The following AP2B1 variants were observed in gnomAD, a reference collection of about 807,000 sequenced individuals.
The protein encoded by AP2B1 is AP-2 complex subunit beta.
Under a neutral mutation model 102.0 loss-of-function variants are expected in AP2B1, and 23 were observed. The ratio of observed to expected loss-of-function variants is 0.23; its 90% confidence interval spans 0.16 to 0.32. The LOEUF (loss-of-function observed/expected upper bound fraction) is 0.32. Among genes scored for constraint, AP2B1 ranks in the 10% least tolerant of loss-of-function variants. AP2B1 has a pLI of 1.00. For synonymous variants in AP2B1, 381 were observed against 421.2 expected (o/e 0.90, Z 1.17); for missense variants, 541 against 1,157.4 (o/e 0.47, Z 7.73).
rs576273991 is a variant in AP2B1, at chr17:35,664,321, A to C, written c.1989+6530A>C. Among the ~76,000 whole-genome samples the C allele has an allele frequency of 3.3e-5, 5 of 152,086 alleles. No individual in the cohort carries two copies. The East Asian group carries it at 7.8e-4, about 24-fold the overall frequency. On this transcript the variant is annotated intron_variant, in intron 14 of 21. Transcript: ENST00000610402. ...CAAGCTACAGTACAGTGGTGTGATC[A>C]TAGCTCACTGCAGCCTCAAACTCCT... is the stretch of plus-strand genomic sequence containing the variant.
chr17:35,604,810 C>T lies in AP2B1; in HGVS notation c.144-895C>T, dbSNP rs182571232. Among the ~76,000 whole-genome samples the T allele has an allele frequency of 7.9e-5, 12 of 152,252 alleles. No individual in the cohort carries two copies. The East Asian group carries it at 2.3e-3, about 29-fold the overall frequency. ...ACACATTAAAATATTATAGATGAAG[C>T]TGGGCACAGTGGCTTATGCATGTAA... On this transcript the variant is annotated intron_variant, in intron 3 of 21. Coordinates refer to ENST00000610402, the MANE Select transcript of AP2B1 (RefSeq NM_001030006.2).
chr17:35,681,622 C>T (rs1042380260), intron 17 of AP2B1, among the ~76,000 whole-genome samples: 2 of 151,982 alleles, frequency 1.3e-5, no homozygotes, highest in African/African-American at 2.4e-5. Context: ...AGTAAAGACA[C>T]GGTCTCATTA....
chr17:35,622,408 C>A (rs567890973), intron 5 of AP2B1, among the ~76,000 whole-genome samples: 1 of 152,190 alleles, frequency 6.6e-6, no homozygotes, highest in South Asian at 2.1e-4. Flanking sequence ...AGACATTTAT[C>A]TTCTAGATAA....
At chr17:35,588,811 C>T (rs2072989431) in intron 1 of AP2B1, 1 of 152,194 alleles carries the variant, frequency 6.6e-6, no homozygotes, top group Non-Finnish European at 1.5e-5. Flanking sequence ...CAAACATCCT[C>T]ACTAAAAGCT....
At chr17:35,723,567 C>T in intron 21 of AP2B1, 58 bp from the exon 22 acceptor site, 1 of 1,178,710 alleles carries the variant, frequency 8.5e-7, no homozygotes, top group Non-Finnish European at 1.3e-6. Context: ...TGCTTGGATA[C>T]CTTTAGAGCT....
At position 35,669,136 on chromosome 17, in the gene AP2B1, G is replaced by T. The variant is rs905471566; in HGVS notation, c.1990-1721G>T. ...CTAGTTACTCAAATTCTTGGTTTGG[G>T]GATGCCTTTTTTTTTTTTTTTTCCG... On this transcript the variant is annotated intron_variant, in intron 14 of 21. Coordinates refer to ENST00000610402, the MANE Select transcript of AP2B1 (RefSeq NM_001030006.2). Among the ~76,000 whole-genome samples the T allele has an allele frequency of 4.8e-5, 6 of 124,168 alleles. No individual in the cohort carries two copies. The South Asian group carries it at 7.5e-4, about 15-fold the overall frequency. The allele number at this position is 124,168 out of a possible 152,430, so 81.5% of individuals were successfully genotyped here.
intron 18 of AP2B1, among the ~76,000 whole-genome samples, chr17:35,697,871 A>G (rs1243041991): frequency 6.6e-6 from 1 of 152,190 alleles, no homozygotes; most frequent in Non-Finnish European, 1.5e-5. Context: ...CTGAGGCAGG[A>G]AAATCACAAA....
intron 5 of AP2B1, among the ~76,000 whole-genome samples, chr17:35,620,033 G>A (rs2074129992): frequency 6.6e-6 from 1 of 152,128 alleles, no homozygotes; most frequent in Non-Finnish European, 1.5e-5. Flanking sequence ...TGATCCACCT[G>A]TTTCAGCCTC....
At chr17:35,641,452 C>T (rs2074778280) in intron 11 of AP2B1, among the ~76,000 whole-genome samples, 1 of 152,070 alleles carries the variant, frequency 6.6e-6, no homozygotes, top group South Asian at 2.1e-4. Flanking sequence ...GTGGCTTGCA[C>T]CTGTAGTCCC....
intron 18 of AP2B1, among the ~76,000 whole-genome samples, chr17:35,703,182 G>A (rs587720701): frequency 2.3e-4 from 34 of 149,124 alleles, no homozygotes; most frequent in South Asian, 1.5e-3. Context: ...GGAGAATGGC[G>A]TGAACCTGGG....
At chr17:35,715,073 C>T (rs1392877394) in intron 20 of AP2B1, among the ~76,000 whole-genome samples, 1 of 152,224 alleles carries the variant, frequency 6.6e-6, no homozygotes, top group Non-Finnish European at 1.5e-5. Context: ...CGTAAATCTT[C>T]AAACTCAAAC....
At chr17:35,621,381 T>A in intron 5 of AP2B1, 1 of 977,030 alleles carries the variant, frequency 1.0e-6, no homozygotes, top group Non-Finnish European at 1.2e-6. Context: ...TGCCTCAGTA[T>A]GTTGCTAAAA....
chr17:35,695,801 A>G (rs587644226), intron 18 of AP2B1, among the ~76,000 whole-genome samples: 1 of 152,196 alleles, frequency 6.6e-6, no homozygotes, highest in South Asian at 2.1e-4. Context: ...TTTCCCTTTA[A>G]TGATAGCTAC....
intron 5 of AP2B1, among the ~76,000 whole-genome samples, chr17:35,619,466 G>C (rs1028531573): frequency 1.4e-5 from 2 of 143,170 alleles, no homozygotes; most frequent in African/African-American, 5.2e-5. Flanking sequence ...AACATAGTGA[G>C]ACCCTGTTTC....
At chr17:35,672,362 CACT>C (rs1300726020) in intron 16 of AP2B1, among the ~76,000 whole-genome samples, 1 of 152,156 alleles carries the variant, frequency 6.6e-6, no homozygotes, top group African/African-American at 2.4e-5. Flanking sequence ...AGGTTTGTGT[CACT>C]GGGGCTCTTC....
chr17:35,600,898 G>A (rs2073457023), intron 3 of AP2B1: 1 of 590,760 alleles, frequency 1.7e-6, no homozygotes. Flanking sequence ...GATAGAAATG[G>A]CAGCGTAGGA....
chr17:35,677,007 T>A (rs568557932), intron 17 of AP2B1, among the ~76,000 whole-genome samples: 23 of 152,354 alleles, frequency 1.5e-4, no homozygotes, highest in South Asian at 1.0e-3. Flanking sequence ...TTTTTTTGTT[T>A]GAAACAAAGG....
chr17:35,590,822 T>C (rs2073070605), intron 1 of AP2B1, among the ~76,000 whole-genome samples: 1 of 152,162 alleles, frequency 6.6e-6, no homozygotes, highest in African/African-American at 2.4e-5. Context: ...TAATGAAATA[T>C]GTGAGCTACT....
intron 20 of AP2B1, among the ~76,000 whole-genome samples, chr17:35,716,698 G>C (rs148517673): frequency 6.6e-6 from 1 of 152,112 alleles, no homozygotes; most frequent in African/African-American, 2.4e-5. Flanking sequence ...CCTGGCAGTT[G>C]AGGCCCGAAT....
Sources: gnomAD v4.1 joint callset for allele counts (sites outside exome capture counted in the v4.1 genomes callset) on GRCh38, gnomAD v4.1.1 for gene constraint, MANE v1.5 for transcripts, NCBI Gene and HGNC (gene_info 2026-07-23, HGNC 2026-07-21) for gene names.